RIT2: variants seen among roughly 807,000 people sequenced by gnomAD.
RIT2 encodes the protein Ras like without CAAX 2.
Under a neutral mutation model 23.7 loss-of-function variants are expected in RIT2, and 24 were observed. The ratio of observed to expected loss-of-function variants is 1.01; its 90% CI spans 0.73 to 1.43. RIT2 has a LOEUF of 1.43. Ranked by LOEUF, RIT2 falls within the 40% of genes most tolerant of loss-of-function variation. The pLI, the probability that RIT2 is intolerant of heterozygous loss-of-function variation, is 0.00. For synonymous variants in RIT2, 107 were observed against 91.1 expected (o/e 1.17, Z -0.99); for missense variants, 236 against 266.9 (o/e 0.88, Z 0.81).
intron 2 of RIT2, among the ~76,000 whole-genome samples, chr18:43,023,865 G>T (rs1232272723): frequency 6.6e-6 from 1 of 152,122 alleles, no homozygotes; most frequent in South Asian, 2.1e-4. Context: ...TGAAAAAAAG[G>T]CATTTGAATC....
chr18:42,851,314 G>C (rs560329924), intron 4 of RIT2, among the ~76,000 whole-genome samples: 21 of 152,288 alleles, frequency 1.4e-4, no homozygotes, highest in African/African-American at 5.1e-4. Context: ...CAATAAGCCA[G>C]TTGTGTATTC....
At chr18:42,983,965 A>G (rs919395933) in intron 2 of RIT2, among the ~76,000 whole-genome samples, 5 of 152,114 alleles carry the variant, frequency 3.3e-5, no homozygotes, top group Admixed American at 6.6e-5. Flanking sequence ...CAATTTAAAG[A>G]AAACTAATCA....
chr18:43,092,857 T>C (rs962042320), intron 1 of RIT2, among the ~76,000 whole-genome samples: 2 of 152,038 alleles, frequency 1.3e-5, no homozygotes, highest in African/African-American at 4.8e-5. Context: ...ATTTTGCCTC[T>C]CTTGGGCCAG....
At chr18:43,080,367 G>A (rs981810252) in intron 1 of RIT2, among the ~76,000 whole-genome samples, 1 of 152,134 alleles carries the variant, frequency 6.6e-6, no homozygotes. Flanking sequence ...TTGTATCTGG[G>A]ACTTTCTGAT....
At chr18:43,009,503 G>A (rs1911302861) in intron 2 of RIT2, among the ~76,000 whole-genome samples, 1 of 151,702 alleles carries the variant, frequency 6.6e-6, no homozygotes, top group Non-Finnish European at 1.5e-5. Flanking sequence ...AAAGAGAAGT[G>A]TCAGGCAACA....
At chr18:42,818,701 A>T (rs988216071) in intron 4 of RIT2, among the ~76,000 whole-genome samples, 2 of 152,102 alleles carry the variant, frequency 1.3e-5, no homozygotes, top group Non-Finnish European at 2.9e-5. Flanking sequence ...AAAAAAATCA[A>T]TCTCAGAAGA....
intron 3 of RIT2, among the ~76,000 whole-genome samples, chr18:42,925,855 C>T (rs957966610): frequency 4.0e-5 from 6 of 151,472 alleles, no homozygotes; most frequent in African/African-American, 1.5e-4. Flanking sequence ...TGTAGCAGCG[C>T]TAATATACCT....
intron 4 of RIT2, among the ~76,000 whole-genome samples, chr18:42,846,783 T>C (rs534973503): frequency 6.6e-6 from 1 of 152,280 alleles, no homozygotes; most frequent in African/African-American, 2.4e-5. Flanking sequence ...ACGCTTCAAA[T>C]TTATAAGAAG....
At chr18:43,093,202 GAAAATAGAGCCCTAAAGTATTGAA>G (rs561491734) in intron 1 of RIT2, among the ~76,000 whole-genome samples, 1,778 of 152,110 alleles carry the variant, frequency 0.012, 54 homozygotes, top group African/African-American at 0.041. Flanking sequence ...TTTTAAATGA[GAAAATAGAGCCCTAAAGTATTGAA>G]GGCTACTGTG....
chr18:43,024,711 A>AACG (rs745732391), intron 2 of RIT2, among the ~76,000 whole-genome samples: 8 of 81,528 alleles, frequency 9.8e-5, no homozygotes, highest in Non-Finnish European at 2.0e-4. Context: ...TCAAACAAAC[A>AACG]ACAACAACAA....
intron 2 of RIT2, among the ~76,000 whole-genome samples, chr18:42,986,469 G>C (rs1162651081): frequency 6.6e-6 from 1 of 151,948 alleles, no homozygotes; most frequent in Non-Finnish European, 1.5e-5. Context: ...GTTAATAGTA[G>C]CAGATAAAGC....
At chr18:43,114,193 A>C (rs2144257250) in intron 1 of RIT2, among the ~76,000 whole-genome samples, 1 of 152,226 alleles carries the variant, frequency 6.6e-6, no homozygotes, top group Non-Finnish European at 1.5e-5. Flanking sequence ...TCACTTTGAT[A>C]TGCATTTTGC....
chr18:42,971,296 C>T (rs1298761635), intron 3 of RIT2, among the ~76,000 whole-genome samples: 2 of 151,956 alleles, frequency 1.3e-5, no homozygotes, highest in Non-Finnish European at 2.9e-5. Context: ...GGTTTGAAAG[C>T]CAACATTTCA....
intron 4 of RIT2, among the ~76,000 whole-genome samples, chr18:42,744,265 G>A (rs1232923380): frequency 1.3e-5 from 2 of 152,166 alleles, no homozygotes; most frequent in Non-Finnish European, 2.9e-5. Context: ...CTCACACAAA[G>A]CCTGTTTGGT....
At chr18:43,086,385 G>A (rs554604722) in intron 1 of RIT2, among the ~76,000 whole-genome samples, 1 of 152,252 alleles carries the variant, frequency 6.6e-6, no homozygotes, top group East Asian at 1.9e-4. Context: ...TGAATTCCTA[G>A]AAACATGCAA....
intron 4 of RIT2, among the ~76,000 whole-genome samples, chr18:42,788,787 C>T (rs1214436677): frequency 6.6e-6 from 1 of 152,086 alleles, no homozygotes; most frequent in African/African-American, 2.4e-5. Context: ...GTCTGAAAAG[C>T]CATAGTTTGT....
At chr18:43,101,745 A>C (rs934228553) in intron 1 of RIT2, among the ~76,000 whole-genome samples, 1 of 152,206 alleles carries the variant, frequency 6.6e-6, no homozygotes, top group African/African-American at 2.4e-5. Context: ...TTAGGTAAAA[A>C]TGTTTTCAAT....
At chr18:42,879,266 A>G (rs1907826065) in intron 4 of RIT2, among the ~76,000 whole-genome samples, 1 of 152,086 alleles carries the variant, frequency 6.6e-6, no homozygotes, top group South Asian at 2.1e-4. Context: ...TTTCTCCTGT[A>G]TTGTTCTACT....
Position 42,873,385 on chromosome 18 carries a change from C to T in RIT2, c.426+50187G>A, listed in dbSNP as rs530300210. Among the ~76,000 whole-genome samples the T allele has an allele frequency of 3.2e-3, 488 of 151,996 alleles. 8 individuals are homozygous for T. Among genetic ancestry groups the T allele is most frequent in the African/African-American group, 0.011 (464 of 41,470 alleles). On this transcript the variant is annotated intron_variant, in intron 4 of 4. Coordinates refer to ENST00000326695, the MANE Select transcript of RIT2 (RefSeq NM_002930.4). Reference sequence around the variant, plus strand: ...AAGGTTCATATTATTAGTTCCCCTCCGAGTAGAAAAATGCTGATCACATAA... The same window carrying T: ...AAGGTTCATATTATTAGTTCCCCTCTGAGTAGAAAAATGCTGATCACATAA...
Sources: gnomAD v4.1 joint callset for allele counts (sites outside exome capture counted in the v4.1 genomes callset) on GRCh38, gnomAD v4.1.1 for gene constraint, MANE v1.5 for transcripts, NCBI Gene and HGNC (gene_info 2026-07-23, HGNC 2026-07-21) for gene names.